SCRIB: variants seen among roughly 807,000 people sequenced by gnomAD.
SCRIB encodes scribble planar cell polarity protein.
Under a neutral mutation model 170.0 loss-of-function variants are expected in SCRIB, and 72 were observed. The ratio of observed to expected loss-of-function variants is 0.42; its 90% confidence interval spans 0.35 to 0.52. The LOEUF is 0.52. SCRIB is among the 20% of genes least tolerant of loss of function. SCRIB has a pLI of 0.02. For missense variants in SCRIB, 2,475 were observed against 2,338.5 expected (o/e 1.06, Z -1.20); for synonymous variants, 1,298 against 1,044.3 (o/e 1.24, Z -4.68).
At chr8:143,811,596 C>T (rs999624275) in intron 9 of SCRIB, among the ~76,000 whole-genome samples, 12 of 152,266 alleles carry the variant, frequency 7.9e-5, no homozygotes, top group African/African-American at 2.6e-4. Context: ...CCAGGTCATC[C>T]CTGACCCTCT....
Position 143,795,197 on chromosome 8 carries a change from G to A in SCRIB, c.3771+80C>T. On this transcript the variant is annotated intron_variant, in intron 26 of 36. Coordinates refer to ENST00000356994, the MANE Select transcript of SCRIB (RefSeq NM_182706.5). ...ACAGGGCAGGAGAGGGGGTCCTGGG[G>A]GTTACTACCCAGCACCCCACAGGCA... The A allele has an allele frequency of 1.3e-6, 2 of 1,596,484 alleles. 1 individual carries two copies. The highest frequency in any genetic ancestry group is 2.2e-5 in the South Asian group (2 of 90,578).
chr8:143,809,451 G>A, intron 14 of SCRIB, 100 bp downstream of exon 14: 3 of 1,330,476 alleles, frequency 2.3e-6, no homozygotes, highest in Admixed American at 3.7e-5. Context: ...CAGGGCCCAG[G>A]CACTGCCTGC....
At chr8:143,797,860 C>T (rs555280188) in intron 24 of SCRIB, among the ~76,000 whole-genome samples, 196 of 152,376 alleles carry the variant, frequency 1.3e-3, no homozygotes, top group Non-Finnish European at 2.1e-3. Flanking sequence ...AGCACGTCCC[C>T]GGCGCAGTGG....
chr8:143,807,707 A>G, intron 15 of SCRIB, 93 bp from the exon 16 acceptor site: 1 of 1,025,206 alleles, frequency 9.8e-7, no homozygotes, highest in Non-Finnish European at 1.5e-6. Context: ...CAGAAAGGAC[A>G]GAGGAGACCA....
chr8:143,791,248 G>A lies in SCRIB; in HGVS notation c.4883C>T (p.Ala1628Val), dbSNP rs1554632513. ...CAGTGCCACATCTTCAGGGCCCACA[G>A]CGCCGGGTGAGGGCCTGCCCAGAAG... The part of the protein sequence containing the change: ...LVLLGRPSPG[A>V]VGPEDVALCS... Residue 1628 changes from alanine to valine, a missense_variant, in exon 37 of 37, where the codon GCT becomes GTT. By Grantham distance (64) the Ala-to-Val change is moderately conservative (BLOSUM62 0). This residue lies in a region of SCRIB where 1,966 missense variants were observed against 1,742.9 expected (regional missense o/e 1.13). Coordinates refer to ENST00000356994, the MANE Select transcript of SCRIB (RefSeq NM_182706.5). 6.7e-7 allele frequency: 1 copy of A among 1,501,196 alleles called. No homozygotes were observed. Among genetic ancestry groups the A allele is most frequent in the Admixed American group, 2.3e-5 (1 of 42,614 alleles). The allele number at this position is 1,501,196 out of a possible 1,614,324, so 93.0% of individuals were successfully genotyped here.
At chr8:143,805,992 G>C (rs1448129079) in intron 18 of SCRIB, among the ~76,000 whole-genome samples, 1 of 152,112 alleles carries the variant, frequency 6.6e-6, no homozygotes, top group Admixed American at 6.5e-5. Context: ...GAACAGCTAG[G>C]TGTCCAGGTG....
intron 27 of SCRIB, 193 bp from the exon 28 acceptor site, chr8:143,794,155 G>A: frequency 1.7e-6 from 1 of 582,908 alleles, no homozygotes; most frequent in Non-Finnish European, 3.1e-6. Flanking sequence ...AGGATGCGGG[G>A]GCCTGGGCTG....
At chr8:143,807,458 C>T (rs1815479336) in intron 16 of SCRIB, 94 bp downstream of exon 16, 2 of 1,031,970 alleles carry the variant, frequency 1.9e-6, no homozygotes, top group South Asian at 1.3e-5. Context: ...GGGATCTGCG[C>T]TCAAGCAACA....
At position 143,813,149 on chromosome 8, in the gene SCRIB, C is replaced by A. The variant is rs749876901; in HGVS notation, c.568-45G>T. 10 of 1,576,906 alleles carry A rather than the reference C, an allele frequency of 6.3e-6. No individual in the cohort carries two copies. In the South Asian group the frequency reaches 1.0e-4, roughly 16 times the overall value. On this transcript the variant is annotated intron_variant, in intron 6 of 36. Transcript: ENST00000356994. ...AAATAGTGACTATGAGGCAAAGCCT[C>A]CTGCTGCGCCGTGCTCAAGAGACTA... is the stretch of plus-strand genomic sequence containing the variant.
At chr8:143,800,458 G>T (rs997223783) in intron 24 of SCRIB, among the ~76,000 whole-genome samples, 1 of 152,240 alleles carries the variant, frequency 6.6e-6, no homozygotes. Context: ...AGGCCCGAAG[G>T]GGGAAGGGCG....
At chr8:143,794,030 G>C in intron 27 of SCRIB, 68 bp from the exon 28 acceptor site, 1 of 1,488,730 alleles carries the variant, frequency 6.7e-7, no homozygotes, top group Non-Finnish European at 9.3e-7. Flanking sequence ...GAGGGACTGG[G>C]GGCCCTGGGG....
chr8:143,804,124 C>A lies in SCRIB; in HGVS notation c.3042G>T (p.Leu1014=), dbSNP rs782768474. The part of the protein sequence containing the change: ...EIRLPRAGGP[L]GLSIVGGSDH... ...CGGAGCCTCCGACAATACTAAGCCCCAGAGGGCCCCCAGCTCTTGGCAGAC... is the reference window on the plus strand; with the variant it reads ...CGGAGCCTCCGACAATACTAAGCCCAAGAGGGCCCCCAGCTCTTGGCAGAC... Residue 1014 remains leucine, a synonymous_variant, in exon 22 of 37, where the codon CTG becomes CTT. Coordinates refer to ENST00000356994, the MANE Select transcript of SCRIB (RefSeq NM_182706.5). The A allele has an allele frequency of 1.9e-6, 3 of 1,612,448 alleles. No homozygotes were observed. The highest frequency in any genetic ancestry group is 2.5e-6 in the Non-Finnish European group (3 of 1,179,242).
intron 24 of SCRIB, among the ~76,000 whole-genome samples, chr8:143,796,655 G>A (rs1587512993): frequency 6.6e-6 from 1 of 152,242 alleles, no homozygotes; most frequent in East Asian, 1.9e-4. Flanking sequence ...AGAAACGCGA[G>A]TGTCGTAAAA....
Position 143,792,556 on chromosome 8 carries a change from G to C in SCRIB, c.4257C>G (p.Asp1419Glu). ...EAGAEARLAL[D>E]GETLGEEEQE... Reference sequence around the variant, plus strand: ...GTTCCTCCTCGCCCAGCGTCTCCCCGTCCAGGGCGAGCCTCGCTTCGGCCC... The same window carrying C: ...GTTCCTCCTCGCCCAGCGTCTCCCCCTCCAGGGCGAGCCTCGCTTCGGCCC... The change falls in exon 31 of 37, where the codon GAC (aspartate) becomes GAG (glutamate). Residue 1419 changes from aspartate (D) to glutamate (E), a missense_variant. This residue lies in a region of SCRIB where 1,966 missense variants were observed against 1,742.9 expected (regional missense o/e 1.13). Transcript: ENST00000356994. 2 of 1,566,280 alleles carry C rather than the reference G, an allele frequency of 1.3e-6. No individual in the cohort carries two copies. The highest frequency in any genetic ancestry group is 1.7e-6 in the Non-Finnish European group (2 of 1,163,746).
chr8:143,803,533 C>G lies in SCRIB; in HGVS notation c.3453G>C (p.Leu1151=), dbSNP rs1186041027. ...PTGAAGRDGR[L]RVGLRLLEVN... ...CCTCCAACAGCCGCAAACCCACACG[C>G]AGCCGACCGTCGCGCCCGGCTGCCC... The change falls in exon 24 of 37, where the codon CTG becomes CTC. Residue 1151 remains leucine, a synonymous_variant. Transcript: ENST00000356994. 3.7e-6 allele frequency: 6 copies of G among 1,604,248 alleles called. No individual in the cohort carries two copies. The highest frequency in any genetic ancestry group is 2.2e-5 in the South Asian group (2 of 90,934).
intron 28 of SCRIB, chr8:143,793,644 G>C: frequency 4.2e-6 from 2 of 472,918 alleles, no homozygotes; most frequent in African/African-American, 2.0e-5. Flanking sequence ...CACTGACTGG[G>C]GTCTCAGGAG....
Position 143,815,262 on chromosome 8 carries a change from G to A in SCRIB, c.111C>T (p.Ser37=), listed in dbSNP as rs1304156318. ...VPEEIYRYSR[S]LEELLLDANQ... is the part of the protein sequence containing the mutation. ...TGGCGTCGAGCAGCAGCTCCTCCAG[G>A]CTGCGGCTGTAGCGGTAGATCTCCT... The change falls in exon 1 of 37, where the codon AGC becomes AGT. Residue 37 remains serine, a synonymous_variant. Transcript: ENST00000356994. 5.0e-6 allele frequency: 8 copies of A among 1,596,434 alleles called. No individual in the cohort carries two copies. The highest frequency in any genetic ancestry group is 6.8e-6 in the Non-Finnish European group (8 of 1,175,032).
At chr8:143,812,178 C>G (rs1210368688) in intron 9 of SCRIB, 88 bp downstream of exon 9, 4 of 889,430 alleles carry the variant, frequency 4.5e-6, no homozygotes, top group East Asian at 2.4e-5. Context: ...CCACCAGCAC[C>G]CCCCAGCAGC....
At chr8:143,814,327 A>G (rs1815916971) in intron 1 of SCRIB, among the ~76,000 whole-genome samples, 1 of 150,894 alleles carries the variant, frequency 6.6e-6, no homozygotes, top group East Asian at 2.0e-4. Context: ...GCCTCCCTCT[A>G]CTCTTCACAC....
Sources: gnomAD v4.1 joint callset for allele counts (sites outside exome capture counted in the v4.1 genomes callset) on GRCh38, gnomAD v4.1.1 for gene constraint, gnomAD v4.1.1 regional missense constraint, MANE v1.5 for transcripts, NCBI Gene and HGNC (gene_info 2026-07-23, HGNC 2026-07-21) for gene names.